GABRB3: variants seen among roughly 807,000 people sequenced by gnomAD.
GABRB3 encodes gamma-aminobutyric acid type A receptor subunit beta3, also known as gamma-aminobutyric acid receptor subunit beta-3.
A neutral mutation model predicts 52.1 loss-of-function variants in GABRB3; 14 were observed. That is an observed-to-expected ratio of 0.27 (90% CI 0.18 to 0.42). The LOEUF (loss-of-function observed/expected upper bound fraction) is 0.42. Among genes scored for constraint, GABRB3 ranks in the 10% least tolerant of loss-of-function variants. GABRB3 has a pLI of 1.00. For synonymous variants in GABRB3, 260 were observed against 232.3 expected (o/e 1.12, Z -1.08); for missense variants, 307 against 609.1 (o/e 0.50, Z 5.22).
At chr15:26,594,216 C>T (rs1003244640) in intron 4 of GABRB3, among the ~76,000 whole-genome samples, 14 of 151,436 alleles carry the variant, frequency 9.2e-5, no homozygotes, top group Non-Finnish European at 1.3e-4. Flanking sequence ...TAGATTTCTG[C>T]CAATTTATTT....
At chr15:26,752,335 C>A (rs1890534417) in intron 3 of GABRB3, among the ~76,000 whole-genome samples, 1 of 151,792 alleles carries the variant, frequency 6.6e-6, no homozygotes, top group Non-Finnish European at 1.5e-5. Flanking sequence ...GCAATCTCAG[C>A]TGACTGCAAC....
At chr15:26,651,386 A>G (rs1437465161) in intron 3 of GABRB3, among the ~76,000 whole-genome samples, 2 of 152,234 alleles carry the variant, frequency 1.3e-5, no homozygotes, top group Non-Finnish European at 2.9e-5. Flanking sequence ...ATTTAACTTC[A>G]GCCTTAGTAT....
chr15:26,766,823 C>T (rs998496675), intron 3 of GABRB3, among the ~76,000 whole-genome samples: 4 of 152,100 alleles, frequency 2.6e-5, no homozygotes, highest in African/African-American at 9.7e-5. Context: ...CCATAAGATC[C>T]TAGAGCCCAG....
At chr15:26,673,459 T>G (rs1887960906) in intron 3 of GABRB3, among the ~76,000 whole-genome samples, 1 of 152,246 alleles carries the variant, frequency 6.6e-6, no homozygotes, top group Non-Finnish European at 1.5e-5. Context: ...CAGCTGTACC[T>G]GTTCACCTAA....
At chr15:26,734,338 T>A (rs1322357119) in intron 3 of GABRB3, among the ~76,000 whole-genome samples, 1 of 151,926 alleles carries the variant, frequency 6.6e-6, no homozygotes, top group Non-Finnish European at 1.5e-5. Context: ...GACAAAACTA[T>A]AGGACTCTTA....
chr15:26,633,241 C>T (rs1892956711), intron 3 of GABRB3, among the ~76,000 whole-genome samples: 1 of 152,110 alleles, frequency 6.6e-6, no homozygotes, highest in South Asian at 2.1e-4. Flanking sequence ...CTGTGAATTA[C>T]TTTGAAATTA....
chr15:26,698,078 C>T (rs1888802065), intron 3 of GABRB3, among the ~76,000 whole-genome samples: 2 of 152,224 alleles, frequency 1.3e-5, no homozygotes, highest in South Asian at 4.1e-4. Context: ...AGAGACACAA[C>T]AGCCCCCGTG....
intron 3 of GABRB3, among the ~76,000 whole-genome samples, chr15:26,623,710 T>C (rs1024041608): frequency 6.6e-6 from 1 of 152,118 alleles, no homozygotes; most frequent in Admixed American, 6.5e-5. Flanking sequence ...GTCCAGGTAA[T>C]GGACAACTAA....
At chr15:26,707,186 TGC>T (rs1889130800) in intron 3 of GABRB3, among the ~76,000 whole-genome samples, 1 of 152,130 alleles carries the variant, frequency 6.6e-6, no homozygotes, top group Non-Finnish European at 1.5e-5. Flanking sequence ...AAGGAAGAAT[TGC>T]ACTGAGCACT....
intron 4 of GABRB3, among the ~76,000 whole-genome samples, chr15:26,593,050 T>C (rs1199530441): frequency 2.0e-5 from 3 of 152,014 alleles, no homozygotes; most frequent in Non-Finnish European, 4.4e-5. Context: ...GATTCTGGAA[T>C]TGGGTGGGTC....
chr15:26,706,680 G>A (rs1194319275), intron 3 of GABRB3, among the ~76,000 whole-genome samples: 1 of 152,190 alleles, frequency 6.6e-6, no homozygotes, highest in African/African-American at 2.4e-5. Flanking sequence ...GGACCTCAAA[G>A]TAAAAAAGGA....
chr15:26,545,037 T>G lies in GABRB3; in HGVS notation c.*2756A>C, dbSNP rs2140638518. On this transcript the variant is annotated 3_prime_UTR_variant, in exon 9 of 9. Coordinates refer to ENST00000311550, the MANE Select transcript of GABRB3 (RefSeq NM_000814.6). ...CTCTCTTCTGTTAACACAGTCAGAG[T>G]TCTCTTCTCAATGCTCTCACAAGTT... is the stretch of plus-strand genomic sequence containing the variant. 1 of 152,718 alleles carries G rather than the reference T, an allele frequency of 6.5e-6. No homozygotes were observed. The highest frequency in any genetic ancestry group is 2.1e-4 in the South Asian group (1 of 4,820). 9.5% of individuals were successfully genotyped at this position (152,718 alleles called of 1,614,324 possible).
rs72704033 is a variant in GABRB3 at position 26,660,692 on chromosome 15, C to T, written c.241-39158G>A. Among the ~76,000 whole-genome samples, 1,370 of 152,028 alleles carry T rather than the reference C, an allele frequency of 9.0e-3. 14 individuals carry two copies. Among genetic ancestry groups the T allele is most frequent in the African/African-American group, 0.015 (606 of 41,460 alleles). On this transcript the variant is annotated intron_variant, in intron 3 of 8. Transcript: ENST00000311550. ...GATCTGGTTTTGCCTTTTCTGGTCA[C>T]GACTCTTGTGAGCCTCAGTTTCCCC... is the stretch of plus-strand genomic sequence containing the variant.
intron 3 of GABRB3, chr15:26,666,738 A>G (rs1361651846): frequency 6.6e-6 from 1 of 152,230 alleles, no homozygotes; most frequent in Non-Finnish European, 1.5e-5. Context: ...CCTGCCTTGA[A>G]AGAGGAAGGA....
intron 3 of GABRB3, among the ~76,000 whole-genome samples, chr15:26,730,265 A>C (rs1174435447): frequency 6.6e-6 from 1 of 152,070 alleles, no homozygotes; most frequent in Non-Finnish European, 1.5e-5. Flanking sequence ...GACTTACAGG[A>C]TGAATAGCCG....
chr15:26,591,562 C>G (rs1016516932), intron 4 of GABRB3, among the ~76,000 whole-genome samples: 1 of 152,096 alleles, frequency 6.6e-6, no homozygotes, highest in Non-Finnish European at 1.5e-5. Flanking sequence ...AGTGCTCAAG[C>G]CAGAACGAAA....
chr15:26,639,249 C>T (rs78280135), intron 3 of GABRB3, among the ~76,000 whole-genome samples: 3,452 of 150,522 alleles, frequency 0.023, 147 homozygotes, highest in African/African-American at 0.079. Context: ...GTAAAATTAA[C>T]GACAGAAATG....
intron 3 of GABRB3, among the ~76,000 whole-genome samples, chr15:26,739,140 T>C (rs1001251781): frequency 1.3e-5 from 2 of 152,042 alleles, no homozygotes; most frequent in African/African-American, 4.8e-5. Context: ...CTAGCACAGC[T>C]GACACTGGGA....
At chr15:26,590,221 C>G (rs1355002116) in intron 4 of GABRB3, 1 of 152,086 alleles carries the variant, frequency 6.6e-6, no homozygotes, top group Non-Finnish European at 1.5e-5. Flanking sequence ...ATGCCGCCTT[C>G]AGGGGAGTCC....
Sources: gnomAD v4.1 joint callset for allele counts (sites outside exome capture counted in the v4.1 genomes callset) on GRCh38, gnomAD v4.1.1 for gene constraint, MANE v1.5 for transcripts, NCBI Gene and HGNC (gene_info 2026-07-23, HGNC 2026-07-21) for gene names.